PAPPA: variants seen among roughly 807,000 people sequenced by gnomAD.
The protein encoded by PAPPA is pappalysin 1, also known as pappalysin-1.
A neutral mutation model predicts 164.0 loss-of-function variants in PAPPA; 60 were observed. That is an observed-to-expected ratio of 0.37 (90% CI 0.30 to 0.45). PAPPA has a LOEUF of 0.45. PAPPA is among the 20% of genes least tolerant of loss of function. The pLI, the probability that PAPPA is intolerant of heterozygous loss-of-function variation, is 1.00. For missense variants in PAPPA, 1,782 were observed against 2,087.3 expected (o/e 0.85, Z 2.85); for synonymous variants, 875 against 814.1 (o/e 1.07, Z -1.27).
chr9:116,258,701 ATGATATAT>A (rs1223785566), intron 7 of PAPPA, among the ~76,000 whole-genome samples: 1 of 152,200 alleles, frequency 6.6e-6, no homozygotes, highest in African/African-American at 2.4e-5. Context: ...AAGTACTGAA[ATGATATAT>A]GGCAAAGGCA....
intron 1 of PAPPA, among the ~76,000 whole-genome samples, chr9:116,164,622 C>T: frequency 6.6e-6 from 1 of 152,192 alleles, no homozygotes; most frequent in Non-Finnish European, 1.5e-5. Flanking sequence ...CCAACCTGTA[C>T]CTATTATCCT....
At chr9:116,366,246 T>C (rs1298321613) in intron 18 of PAPPA, among the ~76,000 whole-genome samples, 1 of 152,122 alleles carries the variant, frequency 6.6e-6, no homozygotes, top group Non-Finnish European at 1.5e-5. Context: ...ATTTTTCAGA[T>C]GACCTCAGGA....
chr9:116,388,072 C>A (rs1279700682), intron 21 of PAPPA, among the ~76,000 whole-genome samples: 1 of 126,366 alleles, frequency 7.9e-6, no homozygotes, highest in South Asian at 2.3e-4. Context: ...TTCATTCTCC[C>A]TCCCTTATTT....
intron 10 of PAPPA, among the ~76,000 whole-genome samples, chr9:116,306,755 A>G (rs1429044254): frequency 6.6e-6 from 1 of 152,184 alleles, no homozygotes; most frequent in Non-Finnish European, 1.5e-5. Flanking sequence ...GCTTTACACA[A>G]AAGGATGCCA....
In PAPPA at chr9:116,238,355, G is replaced by C. The variant is rs377641762; in HGVS notation, c.2732+2718G>C. On this transcript the variant is annotated intron_variant, in intron 7 of 21. Transcript: ENST00000328252. Reference sequence around the variant, plus strand: ...GTGCAGGGCCTCTCCAGGTAATTTGGATGCTAGTTAAAGTTTAATAGCCAC... The same window carrying C: ...GTGCAGGGCCTCTCCAGGTAATTTGCATGCTAGTTAAAGTTTAATAGCCAC... Among the ~76,000 whole-genome samples, 1,141 of 152,304 alleles carry C rather than the reference G, an allele frequency of 7.5e-3. 12 individuals are homozygous for C. The highest frequency in any genetic ancestry group is 0.012 in the Non-Finnish European group (844 of 68,034).
At chr9:116,283,053 G>A (rs1451408801) in intron 9 of PAPPA, among the ~76,000 whole-genome samples, 2 of 152,162 alleles carry the variant, frequency 1.3e-5, no homozygotes, top group Non-Finnish European at 2.9e-5. Context: ...TCCAGTGCCT[G>A]TCACTCTGCC....
chr9:116,365,283 G>T (rs1163423735), intron 18 of PAPPA, among the ~76,000 whole-genome samples: 1 of 152,114 alleles, frequency 6.6e-6, no homozygotes, highest in Non-Finnish European at 1.5e-5. Context: ...AGGCTTCTGT[G>T]GCAGTTATGA....
intron 20 of PAPPA, among the ~76,000 whole-genome samples, chr9:116,382,097 A>T (rs969818111): frequency 1.3e-5 from 2 of 152,180 alleles, no homozygotes; most frequent in East Asian, 3.8e-4. Flanking sequence ...GATGTAAGCC[A>T]TCTATTTTGT....
Position 116,187,634 on chromosome 9 carries a change from C to T in PAPPA, c.896C>T (p.Pro299Leu), listed in dbSNP as rs761599212. The T allele has an allele frequency of 6.2e-6, 10 of 1,614,118 alleles. No homozygotes were observed. Among genetic ancestry groups the T allele is most frequent in the Non-Finnish European group, 8.5e-6 (10 of 1,180,040 alleles). Residue 299 changes from proline to leucine, a missense_variant, in exon 2 of 22, where the codon CCC (proline) becomes CTC (leucine). Pro to Leu is a moderately conservative substitution (Grantham distance 98). Transcript: ENST00000328252. The surrounding 1 kb of genome is among the most constrained non-coding windows in gnomAD (Gnocchi z 4.2). ...GACAATGTGAAGCATGCCTGGTCCCCCATGAAGGATGGCAGCAGCCCCAAA... is the reference window on the plus strand; with the variant it reads ...GACAATGTGAAGCATGCCTGGTCCCTCATGAAGGATGGCAGCAGCCCCAAA... ...NWDNVKHAWS[P>L]MKDGSSPKVE...
chr9:116,240,244 C>T (rs1225469472), intron 7 of PAPPA, among the ~76,000 whole-genome samples: 3 of 152,140 alleles, frequency 2.0e-5, no homozygotes, highest in Non-Finnish European at 4.4e-5. Flanking sequence ...AATGGTGATC[C>T]AGTGGTGCTG....
chr9:116,222,178 A>G (rs573868742), intron 5 of PAPPA, among the ~76,000 whole-genome samples: 70 of 152,318 alleles, frequency 4.6e-4, no homozygotes, highest in Non-Finnish European at 8.4e-4. Context: ...TCCCATGTTC[A>G]CTGTACATTA....
At position 116,188,132 on chromosome 9, in the gene PAPPA, G is replaced by C. The variant is rs768681198; in HGVS notation, c.1394G>C (p.Arg465Pro). The C allele has an allele frequency of 1.9e-6, 3 of 1,614,140 alleles. No individual in the cohort carries two copies. The South Asian group carries it at 3.3e-5, about 18-fold the overall frequency. Residue 465 changes from arginine to proline, a missense_variant, in exon 2 of 22, where the codon CGG becomes CCG. By Grantham distance (103) the Arg-to-Pro change is moderately radical. Transcript: ENST00000328252. ...GVCDMDCNYE[R>P]FNFDGGECCD... Reference sequence around the variant, plus strand: ...TGTGACATGGACTGCAACTATGAACGGTTCAACTTTGATGGTGGAGAGTGC... The same window carrying C: ...TGTGACATGGACTGCAACTATGAACCGTTCAACTTTGATGGTGGAGAGTGC...
intron 20 of PAPPA, among the ~76,000 whole-genome samples, chr9:116,378,730 A>C (rs1448544735): frequency 1.3e-5 from 2 of 152,160 alleles, no homozygotes; most frequent in Non-Finnish European, 2.9e-5. Flanking sequence ...GAGGGGATGG[A>C]ATGTCCAAGT....
intron 1 of PAPPA, among the ~76,000 whole-genome samples, chr9:116,156,334 GTA>G (rs374567663): frequency 1.9e-4 from 27 of 139,590 alleles, no homozygotes; most frequent in Admixed American, 8.7e-4. Context: ...ATATATATGT[GTA>G]TATATATATA....
intron 20 of PAPPA, among the ~76,000 whole-genome samples, chr9:116,380,711 C>A (rs1334907248): frequency 6.6e-6 from 1 of 152,226 alleles, no homozygotes; most frequent in Non-Finnish European, 1.5e-5. Flanking sequence ...CACACCCACA[C>A]AACTGAGCTC....
In PAPPA at chr9:116,353,759, G is replaced by A. The variant is rs777526822; in HGVS notation, c.4313G>A (p.Cys1438Tyr). The A allele has an allele frequency of 6.2e-7, 1 of 1,614,054 alleles. No homozygotes were observed. Among genetic ancestry groups the A allele is most frequent in the Non-Finnish European group, 8.5e-7 (1 of 1,179,934 alleles). The stretch of plus-strand genomic sequence containing the variant: ...AATGGCTTCCAGTTCAACAGTGAGT[G>A]TAGGATCAAGTGTGAAGACAGTGAT... The part of the protein sequence containing the change: ...CTNGFQFNSE[C>Y]RIKCEDSDAS... Residue 1438 changes from cysteine (C) to tyrosine (Y), a missense_variant, in exon 17 of 22, where the codon TGT (cysteine) becomes TAT (tyrosine). Physicochemically the swap from Cys to Tyr is radical, Grantham distance 194. Transcript: ENST00000328252.
chr9:116,172,322 C>G (rs1843783787), intron 1 of PAPPA, among the ~76,000 whole-genome samples: 1 of 152,184 alleles, frequency 6.6e-6, no homozygotes, highest in Non-Finnish European at 1.5e-5. Context: ...TCACCTTCCT[C>G]CCTAAGCATT....
chr9:116,270,846 G>GA (rs11324941), intron 8 of PAPPA, among the ~76,000 whole-genome samples: 53 of 147,854 alleles, frequency 3.6e-4, no homozygotes, highest in African/African-American at 8.9e-4. Context: ...ATGCATGAAT[G>GA]AAAAAAAAAA....
intron 7 of PAPPA, among the ~76,000 whole-genome samples, chr9:116,249,012 G>T (rs1023844235): frequency 1.3e-5 from 2 of 152,178 alleles, no homozygotes; most frequent in Admixed American, 6.5e-5. Flanking sequence ...AAGGCATTGG[G>T]CCAGAAGGTG....
Sources: gnomAD v4.1 joint callset for allele counts (sites outside exome capture counted in the v4.1 genomes callset) on GRCh38, gnomAD v4.1.1 for gene constraint, Gnocchi (gnomAD v3.1) non-coding constraint, MANE v1.5 for transcripts, NCBI Gene and HGNC (gene_info 2026-07-23, HGNC 2026-07-21) for gene names.